The following ERC1 variants were observed in gnomAD, a reference collection of about 807,000 sequenced individuals.
The protein encoded by ERC1 is ELKS/RAB6-interacting/CAST family member 1.
ERC1 carries 56 observed loss-of-function variants against 132.0 expected under a neutral mutation model. The ratio of observed to expected loss-of-function variants is 0.42; its 90% confidence interval spans 0.34 to 0.53. ERC1 has a LOEUF of 0.53. ERC1 is among the 20% of genes least tolerant of loss of function. ERC1 has a pLI of 0.03. For synonymous variants in ERC1, 478 were observed against 476.1 expected (o/e 1.00, Z -0.05); for missense variants, 1,202 against 1,349.9 (o/e 0.89, Z 1.72).
chr12:1,394,744 C>T (rs2090390125), intron 16 of ERC1, among the ~76,000 whole-genome samples: 1 of 152,166 alleles, frequency 6.6e-6, no homozygotes, highest in South Asian at 2.1e-4. Context: ...TGTAAGTTTC[C>T]TGAGGCCTTC....
At chr12:1,314,296 C>T (rs922869770) in intron 15 of ERC1, among the ~76,000 whole-genome samples, 9 of 152,008 alleles carry the variant, frequency 5.9e-5, no homozygotes, top group Non-Finnish European at 8.8e-5. Context: ...AAACTATACA[C>T]GCAGATGACT....
At chr12:1,012,675 C>T (rs978700112) in intron 1 of ERC1, among the ~76,000 whole-genome samples, 3 of 151,880 alleles carry the variant, frequency 2.0e-5, no homozygotes, top group Admixed American at 1.3e-4. Flanking sequence ...AGGATGGTCT[C>T]GATCTCCTGA....
chr12:1,463,725 G>T (rs999178195), intron 18 of ERC1, among the ~76,000 whole-genome samples: 1 of 151,886 alleles, frequency 6.6e-6, no homozygotes, highest in Non-Finnish European at 1.5e-5. Flanking sequence ...GTGTGTGTGT[G>T]TGTGTGTCTT....
intron 2 of ERC1, among the ~76,000 whole-genome samples, chr12:1,030,403 T>G (rs1286720535): frequency 1.3e-5 from 2 of 152,212 alleles, no homozygotes; most frequent in Non-Finnish European, 2.9e-5. Context: ...ATGGACCTCA[T>G]GTATCACTGT....
intron 18 of ERC1, among the ~76,000 whole-genome samples, chr12:1,489,065 G>A (rs1006688495): frequency 2.0e-5 from 3 of 152,144 alleles, no homozygotes; most frequent in Admixed American, 6.5e-5. Flanking sequence ...ACGCTGGAAC[G>A]TCCTCACTTC....
intron 11 of ERC1, among the ~76,000 whole-genome samples, chr12:1,184,256 A>C (rs964513071): frequency 2.6e-5 from 4 of 151,748 alleles, no homozygotes; most frequent in African/African-American, 9.7e-5. Context: ...ATTTTATCTC[A>C]TTTTGGAGAA....
In ERC1 at chr12:1,303,505, G is replaced by A. The variant is rs184334802; in HGVS notation, c.2780+13493G>A. The stretch of plus-strand genomic sequence containing the variant: ...CAAAAAAAAATTAGCTGGGTGTGGC[G>A]GCGTGCACCTGTAGTCCCAGCTGCT... On this transcript the variant is annotated intron_variant, in intron 15 of 18. Coordinates refer to ENST00000360905, the MANE Select transcript of ERC1 (RefSeq NM_178040.4). Among the ~76,000 whole-genome samples, 784 of 152,018 alleles carry A rather than the reference G, an allele frequency of 5.2e-3. 4 individuals carry two copies. Among genetic ancestry groups the A allele is most frequent in the Non-Finnish European group, 8.2e-3 (556 of 67,972 alleles).
chr12:1,213,662 A>G lies in ERC1; in HGVS notation c.2352-23107A>G, dbSNP rs570068057. The stretch of plus-strand genomic sequence containing the variant: ...TGAGGCAGGAGAATCTCATGAACCC[A>G]GGAGGCAGAGGTTGCAGTGAGCCGA... On this transcript the variant is annotated intron_variant, in intron 12 of 18. Coordinates refer to ENST00000360905, the MANE Select transcript of ERC1 (RefSeq NM_178040.4). 5.7e-3 allele frequency among the ~76,000 whole-genome samples: 858 copies of G among 151,290 alleles called. 3 individuals carry two copies. Among genetic ancestry groups the G allele is most frequent in the Middle Eastern group, 6.8e-3 (2 of 294 alleles).
At chr12:1,488,165 T>C (rs1000555235) in intron 18 of ERC1, among the ~76,000 whole-genome samples, 1 of 136,682 alleles carries the variant, frequency 7.3e-6, no homozygotes, top group African/African-American at 3.0e-5. Flanking sequence ...AAAAAAAAGA[T>C]AGATGGGGTC....
At chr12:1,260,696 CT>C (rs565224114) in intron 13 of ERC1, among the ~76,000 whole-genome samples, 6 of 152,328 alleles carry the variant, frequency 3.9e-5, no homozygotes, top group African/African-American at 1.4e-4. Flanking sequence ...TAATTCTGGA[CT>C]TTGTAAATGA....
chr12:1,188,064 A>G (rs994261643), intron 11 of ERC1, among the ~76,000 whole-genome samples: 3 of 152,312 alleles, frequency 2.0e-5, no homozygotes, highest in Non-Finnish European at 2.9e-5. Context: ...GTTATAATAA[A>G]TAATTTATAA....
At chr12:1,042,169 C>G (rs1970322806) in intron 2 of ERC1, among the ~76,000 whole-genome samples, 1 of 151,930 alleles carries the variant, frequency 6.6e-6, no homozygotes. Context: ...TCCCGAGTAG[C>G]TGGGACTACA....
chr12:1,264,527 G>T (rs1242214128), intron 14 of ERC1, among the ~76,000 whole-genome samples: 4 of 150,578 alleles, frequency 2.7e-5, no homozygotes, highest in African/African-American at 7.4e-5. Flanking sequence ...AGCTGGGCGT[G>T]GTGGCGGGCG....
At chr12:1,296,131 G>T (rs967160462) in intron 15 of ERC1, among the ~76,000 whole-genome samples, 3 of 151,870 alleles carry the variant, frequency 2.0e-5, no homozygotes, top group Admixed American at 2.0e-4. Flanking sequence ...TTTTAAAATG[G>T]AAATTTGACA....
intron 15 of ERC1, among the ~76,000 whole-genome samples, chr12:1,360,970 A>G (rs1167828372): frequency 6.6e-6 from 1 of 151,694 alleles, no homozygotes; most frequent in African/African-American, 2.4e-5. Flanking sequence ...GCTACTTGGT[A>G]TGTAGTCCCA....
At chr12:1,210,993 A>C (rs1352037478) in intron 12 of ERC1, among the ~76,000 whole-genome samples, 1 of 152,100 alleles carries the variant, frequency 6.6e-6, no homozygotes, top group Admixed American at 6.6e-5. Context: ...TCAAAAAAAA[A>C]AAAAAATGTA....
chr12:1,055,021 C>T (rs1462035829), intron 2 of ERC1, among the ~76,000 whole-genome samples: 3 of 152,148 alleles, frequency 2.0e-5, no homozygotes, highest in Non-Finnish European at 2.9e-5. Context: ...TGCCTCTACA[C>T]TCCAGCCTTG....
chr12:1,366,537 CAG>C (rs1234030373), intron 15 of ERC1, among the ~76,000 whole-genome samples: 2 of 152,112 alleles, frequency 1.3e-5, no homozygotes, highest in Admixed American at 6.5e-5. Context: ...AGCTCTATGA[CAG>C]AGAGTCCTTG....
At chr12:1,354,070 C>T (rs533232219) in intron 15 of ERC1, among the ~76,000 whole-genome samples, 32 of 150,182 alleles carry the variant, frequency 2.1e-4, no homozygotes, top group African/African-American at 7.5e-4. Context: ...TTGGTGGTCT[C>T]GTGTCTTATC....
Sources: gnomAD v4.1 joint callset for allele counts (sites outside exome capture counted in the v4.1 genomes callset) on GRCh38, gnomAD v4.1.1 for gene constraint, MANE v1.5 for transcripts, NCBI Gene and HGNC (gene_info 2026-07-23, HGNC 2026-07-21) for gene names.